ZFP91: variants seen among roughly 807,000 people sequenced by gnomAD.
The protein encoded by ZFP91 is ZFP91 zinc finger protein, atypical E3 ubiquitin ligase.
ZFP91 carries 7 observed loss-of-function variants against 63.5 expected under a neutral mutation model. That is an observed-to-expected ratio of 0.11 (90% CI 0.06 to 0.21). The LOEUF (loss-of-function observed/expected upper bound fraction) is 0.21, where lower values mean the gene tolerates loss of function less well. Among genes scored for constraint, ZFP91 ranks in the 10% least tolerant of loss-of-function variants. The probability of loss-of-function intolerance (pLI) is 1.00; values close to 1 mark genes in which losing one functional copy is unlikely to be tolerated. For missense variants in ZFP91, 628 were observed against 736.6 expected (o/e 0.85, Z 1.71); for synonymous variants, 330 against 272.1 (o/e 1.21, Z -2.10).
rs193032471 is a variant in ZFP91, at chr11:58,598,339, C to G, written c.371-11491C>G. 4.6e-4 allele frequency among the ~76,000 whole-genome samples: 70 copies of G among 152,132 alleles called. 1 individual carries two copies. Among genetic ancestry groups the G allele is most frequent in the Admixed American group, 3.8e-3 (58 of 15,272 alleles). Reference sequence around the variant, plus strand: ...AACTTAATTTTTCAATATTTCTAGGCTACACAGTTTGTCTGCAAGTTTTTT... The same window carrying G: ...AACTTAATTTTTCAATATTTCTAGGGTACACAGTTTGTCTGCAAGTTTTTT... On this transcript the variant is annotated intron_variant, in intron 2 of 10. Transcript: ENST00000316059.
intron 2 of ZFP91, among the ~76,000 whole-genome samples, chr11:58,595,776 C>T (rs1385550404): frequency 6.6e-6 from 1 of 152,036 alleles, no homozygotes; most frequent in Non-Finnish European, 1.5e-5. Context: ...AGGGTTTCAT[C>T]ATGTTGGCGA....
At chr11:58,611,777 T>G in intron 6 of ZFP91, 39 bp downstream of exon 6, 2 of 1,569,986 alleles carry the variant, frequency 1.3e-6, no homozygotes, top group Non-Finnish European at 1.7e-6. Context: ...TCTAACAGAT[T>G]TTGAACGACT....
intron 4 of ZFP91, 144 bp downstream of exon 4, chr11:58,610,478 A>G (rs1299755092): frequency 1.4e-6 from 1 of 729,464 alleles, no homozygotes; most frequent in Non-Finnish European, 2.1e-6. Flanking sequence ...TTTAGATTCC[A>G]TGTTGAGCTT....
At chr11:58,589,262 A>G (rs1474885293) in intron 2 of ZFP91, among the ~76,000 whole-genome samples, 4 of 152,036 alleles carry the variant, frequency 2.6e-5, no homozygotes, top group Non-Finnish European at 5.9e-5. Flanking sequence ...TTTTGTAGAG[A>G]CAGGGTCTCA....
At chr11:58,599,276 A>G (rs895466833) in intron 2 of ZFP91, among the ~76,000 whole-genome samples, 1 of 152,062 alleles carries the variant, frequency 6.6e-6, no homozygotes, top group Admixed American at 6.6e-5. Context: ...TTCATATGTA[A>G]TAAGTATTTC....
chr11:58,579,436 G>A lies in ZFP91; in HGVS notation c.155G>A (p.Gly52Glu), dbSNP rs1420171697. ...AGTTSSRVLR[G>E]GRDRGRAAAA... ...ACCACTAGCAGCCGCGTGCTGAGGGGAGGTCGGGACCGAGGCCGGGCCGCT... is the reference window on the plus strand; with the variant it reads ...ACCACTAGCAGCCGCGTGCTGAGGGAAGGTCGGGACCGAGGCCGGGCCGCT... Residue 52 changes from glycine (G) to glutamate (E), a missense_variant, in exon 1 of 11, where the codon GGA (glycine) becomes GAA (glutamate). This residue lies in a region of ZFP91 where 437 missense variants were observed against 380.3 expected (regional missense o/e 1.15). Coordinates refer to ENST00000316059, the MANE Select transcript of ZFP91 (RefSeq NM_053023.5). 6.2e-6 allele frequency: 9 copies of A among 1,447,038 alleles called. No homozygotes were observed. Among genetic ancestry groups the A allele is most frequent in the Non-Finnish European group, 6.3e-6 (7 of 1,108,820 alleles). The allele number at this position is 1,447,038 out of a possible 1,614,324, so 89.6% of individuals were successfully genotyped here.
intron 2 of ZFP91, among the ~76,000 whole-genome samples, chr11:58,590,926 G>T (rs1467613344): frequency 6.6e-6 from 1 of 150,684 alleles, no homozygotes; most frequent in Admixed American, 6.6e-5. Flanking sequence ...TTTTTCCTGA[G>T]ATTACAGGTG....
intron 2 of ZFP91, among the ~76,000 whole-genome samples, chr11:58,592,702 T>C (rs993011243): frequency 6.6e-6 from 1 of 152,156 alleles, no homozygotes; most frequent in Non-Finnish European, 1.5e-5. Context: ...GATGAAAAGG[T>C]ACATACAGAC....
At chr11:58,586,784 T>C (rs1167083674) in intron 2 of ZFP91, among the ~76,000 whole-genome samples, 2 of 152,260 alleles carry the variant, frequency 1.3e-5, no homozygotes, top group Non-Finnish European at 2.9e-5. Context: ...TCTGGTACTC[T>C]GGAATAGTCC....
At chr11:58,612,229 G>A (rs1855677085) in intron 6 of ZFP91, 49 bp from the exon 7 acceptor site, 1 of 1,591,336 alleles carries the variant, frequency 6.3e-7, no homozygotes. Flanking sequence ...CCTTCACTGT[G>A]TAGTTTTGAT....
rs1434624426 is a variant in ZFP91, at chr11:58,579,119, G to A, written c.-163G>A. ...CGGACCTTGAGTGGCAGGGGGTGGG[G>A]GGGGCGCCCTCGGAGCCGGGCGGAG... On this transcript the variant is annotated 5_prime_UTR_variant, in exon 1 of 11. Coordinates refer to ENST00000316059, the MANE Select transcript of ZFP91 (RefSeq NM_053023.5). The A allele has an allele frequency of 3.7e-6, 2 of 534,706 alleles. No homozygotes were observed. The highest frequency in any genetic ancestry group is 4.3e-5 in the African/African-American group (2 of 46,930). 33.1% of individuals were successfully genotyped at this position (534,706 alleles called of 1,614,324 possible).
rs1025441844 is a variant in ZFP91 at position 58,618,016 on chromosome 11, G to A, written c.*310G>A. ...GCCATCAGCAGACTTCCTGCTCATC[G>A]GCAGATCCCCCTTTCCAACCTGTAA... On this transcript the variant is annotated 3_prime_UTR_variant, in exon 11 of 11. Coordinates refer to ENST00000316059, the MANE Select transcript of ZFP91 (RefSeq NM_053023.5). The A allele has an allele frequency of 1.6e-5, 4 of 248,646 alleles. No individual in the cohort carries two copies. Among genetic ancestry groups the A allele is most frequent in the Non-Finnish European group, 3.0e-5 (4 of 132,412 alleles). The allele number at this position is 248,646 out of a possible 1,614,324, so 15.4% of individuals were successfully genotyped here. A position where few individuals can be genotyped will look rare whatever the true frequency, so the allele number is the denominator to read the frequency against.
At chr11:58,595,320 T>C (rs995595553) in intron 2 of ZFP91, among the ~76,000 whole-genome samples, 1 of 152,210 alleles carries the variant, frequency 6.6e-6, no homozygotes, top group African/African-American at 2.4e-5. Context: ...GACCTTTACC[T>C]TTAGTATCTT....
chr11:58,611,217 C>T (rs1452397792), intron 5 of ZFP91, 163 bp downstream of exon 5: 5 of 538,616 alleles, frequency 9.3e-6, no homozygotes, highest in Non-Finnish European at 1.6e-5. Flanking sequence ...TTAATATACC[C>T]TGATAATAAT....
chr11:58,589,925 A>C (rs1855276320), intron 2 of ZFP91, among the ~76,000 whole-genome samples: 1 of 152,240 alleles, frequency 6.6e-6, no homozygotes, highest in Non-Finnish European at 1.5e-5. Flanking sequence ...ATTACCTATC[A>C]GGTAAATGAG....
chr11:58,580,028 C>T (rs1374952262), intron 1 of ZFP91, among the ~76,000 whole-genome samples: 1 of 151,562 alleles, frequency 6.6e-6, no homozygotes, highest in Non-Finnish European at 1.5e-5. Flanking sequence ...TCATAGCCTT[C>T]AAAAATGATT....
Position 58,579,480 on chromosome 11 carries a change from G to T in ZFP91, c.199G>T (p.Ala67Ser), listed in dbSNP as rs143372783. ...GGCCGCTGCGGCCGCCGCCGCCGCAGCTGTGTCCCGCCGGAGGAAGGCCGA... is the reference window on the plus strand; with the variant it reads ...GGCCGCTGCGGCCGCCGCCGCCGCATCTGTGTCCCGCCGGAGGAAGGCCGA... ...GRAAAAAAAA[A>S]VSRRRKAEYP... The change falls in exon 1 of 11, where the codon GCT becomes TCT. Residue 67 changes from alanine to serine, a missense_variant. By Grantham distance (99) the Ala-to-Ser change is moderately conservative (BLOSUM62 1). Around this residue, in one of 3 missense-constraint regions of ZFP91, gnomAD observed 437 missense variants for 380.3 expected, o/e 1.15. Transcript: ENST00000316059. The T allele has an allele frequency of 5.1e-5, 77 of 1,506,550 alleles. No individual in the cohort carries two copies. In the Admixed American group the frequency reaches 1.0e-3, roughly 20 times the overall value. 93.3% of individuals were successfully genotyped at this position (1,506,550 alleles called of 1,614,324 possible).
chr11:58,595,485 C>A (rs575409810), intron 2 of ZFP91, among the ~76,000 whole-genome samples: 1 of 151,784 alleles, frequency 6.6e-6, no homozygotes, highest in Admixed American at 6.6e-5. Context: ...TAATAATTAT[C>A]TCTGGCTGTA....
chr11:58,615,822 A>G (rs1370309753), intron 9 of ZFP91, among the ~76,000 whole-genome samples: 5 of 152,234 alleles, frequency 3.3e-5, no homozygotes, highest in Non-Finnish European at 7.3e-5. Context: ...GTATAAGATT[A>G]AATTGGATAT....
Sources: gnomAD v4.1 joint callset for allele counts (sites outside exome capture counted in the v4.1 genomes callset) on GRCh38, gnomAD v4.1.1 for gene constraint, gnomAD v4.1.1 regional missense constraint, MANE v1.5 for transcripts, NCBI Gene and HGNC (gene_info 2026-07-23, HGNC 2026-07-21) for gene names.